CROCC2: variants seen among roughly 807,000 people sequenced by gnomAD.
CROCC2 encodes the protein ciliary rootlet coiled-coil, rootletin family member 2.
Under a neutral mutation model 177.6 loss-of-function variants are expected in CROCC2, and 163 were observed. The observed-to-expected ratio is 0.92, with a 90% CI of 0.81 to 1.05. The LOEUF is 1.05. CROCC2 is among the 50% of genes least tolerant of loss of function. The pLI is 0.00. For synonymous variants in CROCC2, 904 were observed against 787.3 expected (o/e 1.15, Z -2.48); for missense variants, 1,929 against 1,797.8 (o/e 1.07, Z -1.32).
intron 28 of CROCC2, among the ~76,000 whole-genome samples, chr2:240,986,382 A>G (rs997909303): frequency 1.6e-4 from 25 of 151,694 alleles, no homozygotes; most frequent in African/African-American, 5.8e-4. Flanking sequence ...TTGACCCCAG[A>G]GCCCCACACC....
rs769379246 is a variant in CROCC2, at chr2:240,955,923, C to T, written c.2894C>T (p.Thr965Met). 23 of 1,534,774 alleles carry T rather than the reference C, an allele frequency of 1.5e-5. No individual in the cohort carries two copies. Among genetic ancestry groups the T allele is most frequent in the Admixed American group, 5.9e-5 (3 of 50,986 alleles). Reference protein sequence around the residue: ...LSEELSRARRTLERVQQEAQS... With the variant: ...LSEELSRARRMLERVQQEAQS... ...GAGGAGCTCTCCAGGGCCAGGAGGA[C>T]GCTAGAGCGGGTACAGCAGGAGGCA... The change falls in exon 19 of 32, where the codon ACG becomes ATG. Residue 965 changes from threonine to methionine, a missense_variant. Thr to Met is a moderately conservative substitution (Grantham distance 81). Coordinates refer to ENST00000690015, the MANE Select transcript of CROCC2 (RefSeq NM_001351305.2).
rs2059609425 is a variant in CROCC2, at chr2:240,958,647, G to C, written c.2944-654G>C. 1.1e-6 allele frequency: 1 copy of C among 945,838 alleles called. No individual in the cohort carries two copies. Among genetic ancestry groups the C allele is most frequent in the South Asian group, 4.9e-5 (1 of 20,508 alleles). 58.6% of individuals were successfully genotyped at this position (945,838 alleles called of 1,614,324 possible). ...CCCTGAACCCAGGGGTGCAGAGCCT[G>C]AGCAGGGCAGGGCTCGGACCCTTCA... is the stretch of plus-strand genomic sequence containing the variant. On this transcript the variant is annotated intron_variant, in intron 19 of 31. Coordinates refer to ENST00000690015, the MANE Select transcript of CROCC2 (RefSeq NM_001351305.2). This position sits in a 1 kb window ranked among gnomAD's most constrained non-coding sequence, Gnocchi z 6.7.
At position 240,918,811 on chromosome 2, in the gene CROCC2, C is replaced by G. The variant is rs1382520109; in HGVS notation, c.164C>G (p.Pro55Arg). 4.9e-6 allele frequency: 3 copies of G among 610,676 alleles called. No homozygotes were observed. The highest frequency in any genetic ancestry group is 8.9e-6 in the Non-Finnish European group (3 of 335,788). The allele number at this position is 610,676 out of a possible 1,614,324, so 37.8% of individuals were successfully genotyped here. ...CGTGGGGAAGGCCGGCAGGCCTCGC[C>G]CACCCCCGTGCCCACCCGCATCCGT... is the stretch of plus-strand genomic sequence containing the variant. Reference protein sequence around the residue: ...TVRGEGRQASPTPVPTRIREI... With the variant: ...TVRGEGRQASRTPVPTRIREI... The change falls in exon 2 of 32, where the codon CCC (proline) becomes CGC (arginine). Residue 55 changes from proline (P) to arginine (R), a missense_variant. Pro to Arg is a moderately radical substitution (Grantham distance 103). This residue lies in a region of CROCC2 where 1,397 missense variants were observed against 1,239.9 expected (regional missense o/e 1.13). Transcript: ENST00000690015. This position sits in a 1 kb window ranked among gnomAD's most constrained non-coding sequence, Gnocchi z 6.3.
At position 240,947,358 on chromosome 2, in the gene CROCC2, C is replaced by T. The variant is rs1045060609; in HGVS notation, c.2363+1105C>T. 3.9e-5 allele frequency among the ~76,000 whole-genome samples: 6 copies of T among 152,210 alleles called. 1 individual carries two copies. Among genetic ancestry groups the T allele is most frequent in the Admixed American group, 3.9e-4 (6 of 15,290 alleles). ...AGGGTCTACTGCCCAGAACACAGGC[C>T]CCAGCCAGAGCCCTCAGCAGCCTGG... is the stretch of plus-strand genomic sequence containing the variant. On this transcript the variant is annotated intron_variant, in intron 15 of 31. Transcript: ENST00000690015.
intron 1 of CROCC2, among the ~76,000 whole-genome samples, chr2:240,907,150 C>CG (rs1559584972): frequency 6.6e-6 from 1 of 152,170 alleles, no homozygotes; most frequent in African/African-American, 2.4e-5. Context: ...CAGGGCCTCT[C>CG]GGGGGACAGT....
intron 1 of CROCC2, among the ~76,000 whole-genome samples, chr2:240,910,859 A>G (rs527811784): frequency 7.9e-5 from 12 of 152,126 alleles, no homozygotes; most frequent in East Asian, 1.9e-4. Context: ...GGCCGGGTGC[A>G]GTGACTCACA....
intron 1 of CROCC2, among the ~76,000 whole-genome samples, chr2:240,914,704 G>A (rs2059308083): frequency 6.6e-6 from 1 of 152,182 alleles, no homozygotes; most frequent in Non-Finnish European, 1.5e-5. Flanking sequence ...GAGCCTGCTG[G>A]TGGGTGGGCG....
chr2:240,926,391 G>A (rs544741796), intron 5 of CROCC2, among the ~76,000 whole-genome samples: 36 of 152,082 alleles, frequency 2.4e-4, no homozygotes, highest in Non-Finnish European at 4.4e-4. Flanking sequence ...AGACATCCAG[G>A]TGTTCATGCC....
Position 240,925,814 on chromosome 2 carries a change from C to T in CROCC2, c.579C>T (p.Ala193=), listed in dbSNP as rs544293371. The part of the protein sequence containing the change: ...KANDALGREL[A]GMTGSVQRLQ... ...ATGACGCGCTGGGCCGGGAGCTGGC[C>T]GGGATGACGGGCAGCGTGCAGCGCC... Residue 193 remains alanine (A), a synonymous_variant, in exon 5 of 32, where the codon GCC becomes GCT. Transcript: ENST00000690015. 8 of 716,750 alleles carry T rather than the reference C, an allele frequency of 1.1e-5. No homozygotes were observed. The highest frequency in any genetic ancestry group is 7.0e-5 in the African/African-American group (4 of 57,368). 44.4% of individuals were successfully genotyped at this position (716,750 alleles called of 1,614,324 possible).
Position 240,982,259 on chromosome 2 carries a change from A to G in CROCC2, c.4402-621A>G, listed in dbSNP as rs1368148238. The G allele has an allele frequency of 6.6e-6, 1 of 152,266 alleles. No homozygotes were observed. Among genetic ancestry groups the G allele is most frequent in the Non-Finnish European group, 1.5e-5 (1 of 68,154 alleles). 9.4% of individuals were successfully genotyped at this position (152,266 alleles called of 1,614,324 possible). On this transcript the variant is annotated intron_variant, in intron 27 of 31. Transcript: ENST00000690015. This position sits in a 1 kb window ranked among gnomAD's most constrained non-coding sequence, Gnocchi z 4.7. ...ACAGTGAGGAAACTGAAGGGCTGTC[A>G]CTGGTCCCAAGTGGATGATGGCGGT...
In CROCC2 at chr2:240,918,249, C is replaced by A. The variant is rs1029058186; in HGVS notation, c.79-477C>A. The stretch of plus-strand genomic sequence containing the variant: ...GCCCCCACCCCCCAACAAACACACA[C>A]AAACACACTGGGCTCTGTGACTGCT... On this transcript the variant is annotated intron_variant, in intron 1 of 31. Transcript: ENST00000690015. The surrounding 1 kb of genome is among the most constrained non-coding windows in gnomAD (Gnocchi z 6.3). Among the ~76,000 whole-genome samples, 10 of 152,298 alleles carry A rather than the reference C, an allele frequency of 6.6e-5. No homozygotes were observed. Among genetic ancestry groups the A allele is most frequent in the Non-Finnish European group, 1.3e-4 (9 of 68,028 alleles).
intron 7 of CROCC2, 23 bp downstream of exon 7, chr2:240,931,151 C>T (rs919205575): frequency 1.4e-6 from 1 of 701,058 alleles, no homozygotes; most frequent in Admixed American, 2.0e-5. Flanking sequence ...GGCCAGCAAG[C>T]TTGCACAGGG....
rs987024433 is a variant in CROCC2, at chr2:240,973,603, G to T, written c.4401+5341G>T. Among the ~76,000 whole-genome samples, 2 of 152,132 alleles carry T rather than the reference G, an allele frequency of 1.3e-5. No individual in the cohort carries two copies. Among genetic ancestry groups the T allele is most frequent in the Non-Finnish European group, 2.9e-5 (2 of 68,032 alleles). ...GCCTTGCAGGTCACCCGCCTGTGGG[G>T]GCTCAACTCAGCGTCAGTCACAGGT... On this transcript the variant is annotated intron_variant, in intron 27 of 31. Coordinates refer to ENST00000690015, the MANE Select transcript of CROCC2 (RefSeq NM_001351305.2). This position sits in a 1 kb window ranked among gnomAD's most constrained non-coding sequence, Gnocchi z 4.7.
intron 18 of CROCC2, among the ~76,000 whole-genome samples, chr2:240,955,656 G>A (rs1412058320): frequency 6.6e-6 from 1 of 152,212 alleles, no homozygotes; most frequent in Non-Finnish European, 1.5e-5. Context: ...CTCAGAGGGT[G>A]AAAGGGCCCA....
intron 27 of CROCC2, among the ~76,000 whole-genome samples, chr2:240,975,553 G>A (rs1343707218): frequency 2.0e-5 from 3 of 152,088 alleles, no homozygotes; most frequent in Admixed American, 6.5e-5. Flanking sequence ...TGTTTATGAC[G>A]TGTCCTGTCC....
At position 240,964,533 on chromosome 2, in the gene CROCC2, C is replaced by T; in HGVS notation, c.3373C>T (p.Gln1125Ter). 6.5e-7 allele frequency: 1 copy of T among 1,549,474 alleles called. No homozygotes were observed. The highest frequency in any genetic ancestry group is 1.9e-4 in the Middle Eastern group (1 of 5,184). Residue 1125 changes from glutamine (Q) to a stop codon, truncating the protein, a stop_gained, in exon 22 of 32, where the codon CAG becomes TAG. Coordinates refer to ENST00000690015, the MANE Select transcript of CROCC2 (RefSeq NM_001351305.2). LOFTEE classifies it high-confidence loss of function. ...LILEEAQAAL[Q>*]QEASALRAHL... ...CCTGGAGGAGGCCCAGGCGGCGTTG[C>T]AGCAGGAGGCCAGTGCACTGCGGGC...
At chr2:240,961,273 C>T (rs1285881562) in intron 20 of CROCC2, among the ~76,000 whole-genome samples, 1 of 152,108 alleles carries the variant, frequency 6.6e-6, no homozygotes, top group Admixed American at 6.5e-5. Flanking sequence ...TGAGACCACA[C>T]ACACCGGTGT....
intron 19 of CROCC2, chr2:240,957,537 C>T (rs901712099): frequency 6.6e-6 from 1 of 152,306 alleles, no homozygotes; most frequent in Non-Finnish European, 1.5e-5. Flanking sequence ...GCAGCGGGGC[C>T]TTGGGGGACG....
intron 1 of CROCC2, among the ~76,000 whole-genome samples, chr2:240,916,930 C>T (rs2059325089): frequency 6.6e-6 from 1 of 152,196 alleles, no homozygotes; most frequent in Non-Finnish European, 1.5e-5. Context: ...TGAGCCCCTT[C>T]CAGCAGCTCT....
Sources: allele counts gnomAD v4.1 joint callset (sites outside exome capture counted in the v4.1 genomes callset), GRCh38; gene constraint gnomAD v4.1.1; regional missense constraint gnomAD v4.1.1; non-coding constraint Gnocchi (gnomAD v3.1); transcripts MANE v1.5; gene names NCBI Gene and HGNC (gene_info 2026-07-23, HGNC 2026-07-21).